SSX1: variants seen among roughly 807,000 people sequenced by gnomAD.
SSX1 encodes the protein SSX family member 1.
A neutral mutation model predicts 14.6 loss-of-function variants in SSX1; 58 were observed. That is an observed-to-expected ratio of 3.96 (90% CI 3.21 to 4.93). The LOEUF (loss-of-function observed/expected upper bound fraction) is 4.93. Among genes scored for constraint, SSX1 ranks in the 30% most tolerant of loss-of-function variants. The pLI, the probability that SSX1 is intolerant of heterozygous loss-of-function variation, is 0.00. For missense variants in SSX1, 272 were observed against 143.1 expected (o/e 1.90, Z -4.60); for synonymous variants, 46 against 52.1 (o/e 0.88, Z 0.50).
At chrX:48,265,500 G>A (rs1466508923) in intron 6 of SSX1, among the ~76,000 whole-genome samples, 1 of 111,728 alleles carries the variant, frequency 9.0e-6, no homozygotes, top group Non-Finnish European at 1.9e-5. Context: ...CTCATTGGTG[G>A]AGCAGTCAGA....
chrX:48,257,053 G>A (rs1413474754), intron 1 of SSX1, among the ~76,000 whole-genome samples, 169 bp from the exon 2 acceptor site: 2 of 111,370 alleles, frequency 1.8e-5, no homozygotes, highest in African/African-American at 6.5e-5. Context: ...CAGGCTCCCT[G>A]TTTTCATCTG....
chrX:48,259,407 T>C (rs2059595912), intron 4 of SSX1, among the ~76,000 whole-genome samples: 1 of 111,446 alleles, frequency 9.0e-6, no homozygotes, highest in East Asian at 2.8e-4. Flanking sequence ...ATTCTGTGTG[T>C]TTGAAACATT....
intron 6 of SSX1, among the ~76,000 whole-genome samples, chrX:48,265,734 G>A (rs1556936283): frequency 9.0e-6 from 1 of 111,654 alleles, no homozygotes; most frequent in African/African-American, 3.3e-5. Context: ...CATTGCATAC[G>A]TGTATCAAAA....
intron 6 of SSX1, 123 bp downstream of exon 6, chrX:48,264,040 C>A (rs186905817): frequency 1.8e-5 from 20 of 1,087,034 alleles, no homozygotes; most frequent in Non-Finnish European, 2.4e-5. Flanking sequence ...AGAGCTCGCC[C>A]AGCTCCAGAT....
rs567191364 is a variant in SSX1 at position 48,259,367 on chromosome X, G to A, written c.280+736G>A. 7.2e-5 allele frequency among the ~76,000 whole-genome samples: 8 copies of A among 111,859 alleles called. No homozygotes were observed. The South Asian group carries it at 1.9e-3, about 26-fold the overall frequency. On this transcript the variant is annotated intron_variant, in intron 4 of 7. Coordinates refer to ENST00000376919, the MANE Select transcript of SSX1 (RefSeq NM_005635.4). ...CATAGTCATGGGGTAATGTTGAGATGCGACTGAACTCAATATTATTCCCCA... is the reference window on the plus strand; with the variant it reads ...CATAGTCATGGGGTAATGTTGAGATACGACTGAACTCAATATTATTCCCCA...
intron 6 of SSX1, among the ~76,000 whole-genome samples, chrX:48,264,158 G>C (rs1475920674): frequency 8.9e-6 from 1 of 112,253 alleles, no homozygotes; most frequent in East Asian, 2.8e-4. Flanking sequence ...CAGATTCCTA[G>C]TCCATAAGAT....
intron 4 of SSX1, among the ~76,000 whole-genome samples, chrX:48,259,614 A>T (rs1435107356): frequency 2.3e-4 from 25 of 109,277 alleles, no homozygotes; most frequent in Non-Finnish European, 1.7e-4. Context: ...TCCCCACCCC[A>T]CAACAGTCCC....
At chrX:48,260,081 G>A (rs1280836983) in intron 4 of SSX1, among the ~76,000 whole-genome samples, 2 of 97,292 alleles carry the variant, frequency 2.1e-5, no homozygotes, top group African/African-American at 3.7e-5. Flanking sequence ...GTGTAAAAGT[G>A]TTCCTATTTC....
Position 48,267,418 on chromosome X carries a change from A to C in SSX1, c.*569A>C, listed in dbSNP as rs182410233. 10 of 158,086 alleles carry C rather than the reference A, an allele frequency of 6.3e-5. No homozygotes were observed. Among genetic ancestry groups the C allele is most frequent in the East Asian group, 9.8e-5 (1 of 10,206 alleles). 13.0% of individuals were successfully genotyped at this position (158,086 alleles called of 1,213,427 possible). A position where few individuals can be genotyped will look rare whatever the true frequency, so the allele number is the denominator to read the frequency against. On this transcript the variant is annotated 3_prime_UTR_variant, in exon 8 of 8. Transcript: ENST00000376919. Reference sequence around the variant, plus strand: ...TCCGATTCCCCTGTATCAGTCACTGACAGTTAATAAACCTTTGCAAACGTT... The same window carrying C: ...TCCGATTCCCCTGTATCAGTCACTGCCAGTTAATAAACCTTTGCAAACGTT...
intron 6 of SSX1, 77 bp from the exon 7 acceptor site, chrX:48,266,210 C>T (rs1161631366): frequency 8.3e-7 from 1 of 1,200,639 alleles, no homozygotes; most frequent in Non-Finnish European, 1.1e-6. Flanking sequence ...GAGGAGGCAT[C>T]TCCTTTTTTT....
Position 48,257,838 on chromosome X carries a change from C to G in SSX1, c.162C>G (p.Asn54Lys), listed in dbSNP as rs782506319. ...EKISYVYMKRNYKAMTKLGFK... is the reference protein window; with the variant it reads ...EKISYVYMKRKYKAMTKLGFK... ...TCAGCTATGTGTATATGAAGAGAAACTATAAGGCCATGACTAAACTAGGTA... is the reference window on the plus strand; with the variant it reads ...TCAGCTATGTGTATATGAAGAGAAAGTATAAGGCCATGACTAAACTAGGTA... Residue 54 changes from asparagine to lysine, a missense_variant, in exon 3 of 8, where the codon AAC becomes AAG. Physicochemically the swap from Asn to Lys is moderately conservative, Grantham distance 94. Transcript: ENST00000376919. The G allele has an allele frequency of 1.6e-5, 19 of 1,191,337 alleles. No individual in the cohort carries two copies. Among genetic ancestry groups the G allele is most frequent in the African/African-American group, 3.5e-5 (2 of 56,687 alleles).
Position 48,266,405 on chromosome X carries a change from C to T in SSX1, c.*4+14C>T, listed in dbSNP as rs782547376. ...ACGAGTAACTCCGTAAGTGAACCTTCGGCTCACCCTCCACATCCCTGCAGA... is the reference window on the plus strand; with the variant it reads ...ACGAGTAACTCCGTAAGTGAACCTTTGGCTCACCCTCCACATCCCTGCAGA... On this transcript the variant is annotated intron_variant, in intron 7 of 7. Transcript: ENST00000376919. 91 of 1,208,321 alleles carry T rather than the reference C, an allele frequency of 7.5e-5. No homozygotes were observed. In the Middle Eastern group the frequency reaches 9.7e-4, roughly 13 times the overall value.
At position 48,257,748 on chromosome X, in the gene SSX1, C is replaced by A; in HGVS notation, c.72C>A (p.Ala24=). 1 of 1,198,466 alleles carries A rather than the reference C, an allele frequency of 8.3e-7. No homozygotes were observed. The highest frequency in any genetic ancestry group is 1.1e-6 in the Non-Finnish European group (1 of 887,222). The change falls in exon 3 of 8, where the codon GCC becomes GCA. Residue 24 remains alanine (A), a splice_region_variant and synonymous_variant. Transcript: ENST00000376919. ...AAATTTTATTTTATTTTTTTTAGGC[C>A]TTTGATGATATTGCCACATACTTCT... ...DAKASEKRSK[A]FDDIATYFSK...
Position 48,257,758 on chromosome X carries a change from A to G in SSX1, c.82A>G (p.Ile28Val), listed in dbSNP as rs150456602. The change falls in exon 3 of 8, where the codon ATT becomes GTT. Residue 28 changes from isoleucine (I) to valine (V), a missense_variant. By Grantham distance (29) the Ile-to-Val change is conservative. Coordinates refer to ENST00000376919, the MANE Select transcript of SSX1 (RefSeq NM_005635.4). Reference protein sequence around the residue: ...SEKRSKAFDDIATYFSKKEWK... With the variant: ...SEKRSKAFDDVATYFSKKEWK... Reference sequence around the variant, plus strand: ...TTATTTTTTTTAGGCCTTTGATGATATTGCCACATACTTCTCTAAGAAAGA... The same window carrying G: ...TTATTTTTTTTAGGCCTTTGATGATGTTGCCACATACTTCTCTAAGAAAGA... 44 of 1,202,195 alleles carry G rather than the reference A, an allele frequency of 3.7e-5. No individual in the cohort carries two copies. Among genetic ancestry groups the G allele is most frequent in the African/African-American group, 7.1e-5 (4 of 56,734 alleles).
At chrX:48,262,408 T>C (rs1210921466) in intron 5 of SSX1, among the ~76,000 whole-genome samples, 2 of 112,336 alleles carry the variant, frequency 1.8e-5, no homozygotes, top group Admixed American at 9.5e-5. Context: ...ACTAGGGCTT[T>C]ACCCCATAGG....
chrX:48,261,790 G>T lies in SSX1; in HGVS notation c.305G>T (p.Gly102Val), dbSNP rs1257313116. ...IQVEHPQMTF[G>V]RLHRIIPKIM... Reference sequence around the variant, plus strand: ...GTTGAACATCCTCAGATGACTTTCGGCAGGCTCCACAGAATCATCCCGAAG... The same window carrying T: ...GTTGAACATCCTCAGATGACTTTCGTCAGGCTCCACAGAATCATCCCGAAG... The change falls in exon 5 of 8, where the codon GGC becomes GTC. Residue 102 changes from glycine to valine, a missense_variant. Transcript: ENST00000376919. 1.9e-5 allele frequency: 23 copies of T among 1,209,159 alleles called. No individual in the cohort carries two copies. The highest frequency in any genetic ancestry group is 2.5e-5 in the Non-Finnish European group (22 of 894,701).
rs1244845220 is a variant in SSX1 at position 48,263,868 on chromosome X, G to A, written c.417G>A (p.Leu139=). ...ASGPQNDGKQ[L]HPPGKANISE... Reference sequence around the variant, plus strand: ...GCCCACAAAACGATGGGAAACAACTGCACCCCCCAGGAAAAGCAAATATTT... The same window carrying A: ...GCCCACAAAACGATGGGAAACAACTACACCCCCCAGGAAAAGCAAATATTT... The change falls in exon 6 of 8, where the codon CTG becomes CTA. Residue 139 remains leucine, a synonymous_variant. Coordinates refer to ENST00000376919, the MANE Select transcript of SSX1 (RefSeq NM_005635.4). 5 of 1,209,626 alleles carry A rather than the reference G, an allele frequency of 4.1e-6. No individual in the cohort carries two copies. Among genetic ancestry groups the A allele is most frequent in the Non-Finnish European group, 5.6e-6 (5 of 895,074 alleles).
In SSX1 at chrX:48,257,829, G is replaced by A; in HGVS notation, c.153G>A (p.Met51Ile). ...CGGAGAAAATCAGCTATGTGTATAT[G>A]AAGAGAAACTATAAGGCCATGACTA... ...KYSEKISYVY[M>I]KRNYKAMTKL... Residue 51 changes from methionine (M) to isoleucine (I), a missense_variant, in exon 3 of 8, where the codon ATG becomes ATA. By Grantham distance (10) the Met-to-Ile change is conservative. Transcript: ENST00000376919. 3 of 1,201,530 alleles carry A rather than the reference G, an allele frequency of 2.5e-6. No homozygotes were observed. Among genetic ancestry groups the A allele is most frequent in the Admixed American group, 2.2e-5 (1 of 45,281 alleles).
intron 1 of SSX1, among the ~76,000 whole-genome samples, chrX:48,256,388 C>G (rs1426177898): frequency 6.5e-5 from 7 of 107,459 alleles, no homozygotes; most frequent in South Asian, 4.1e-4. Flanking sequence ...GATCCGCCCC[C>G]CCTTGGCCAA....
Sources: gnomAD v4.1 joint callset for allele counts (sites outside exome capture counted in the v4.1 genomes callset) on GRCh38, gnomAD v4.1.1 for gene constraint, MANE v1.5 for transcripts, NCBI Gene and HGNC (gene_info 2026-07-23, HGNC 2026-07-21) for gene names.